The following SLC66A1 variants were observed in gnomAD, a reference collection of about 807,000 sequenced individuals.
SLC66A1 encodes lysosomal amino acid transporter 1 homolog.
In SLC66A1, 23 loss-of-function variants were observed where a neutral mutation model predicts 33.0. That is an observed-to-expected ratio of 0.70 (90% CI 0.50 to 0.99). The LOEUF is 0.99. Ranked by LOEUF, SLC66A1 falls within the 50% of genes least tolerant of loss-of-function variation. The pLI is 0.00. For missense variants in SLC66A1, 335 were observed against 383.6 expected (o/e 0.87, Z 1.06); for synonymous variants, 164 against 175.5 (o/e 0.93, Z 0.52).
Position 19,323,482 on chromosome 1 carries a change from C to T in SLC66A1, c.165-1151C>T, listed in dbSNP as rs1490101467. Among the ~76,000 whole-genome samples the T allele has an allele frequency of 2.0e-5, 3 of 151,870 alleles. No homozygotes were observed. The South Asian group carries it at 6.2e-4, about 32-fold the overall frequency. ...AGTGCAGTGGTGTGATCTCGGCTTA[C>T]TGCAACCTCCACCTCCTGGCTTCAA... On this transcript the variant is annotated intron_variant, in intron 2 of 7. Transcript: ENST00000375153.
At chr1:19,324,224 CT>C (rs2093851592) in intron 2 of SLC66A1, among the ~76,000 whole-genome samples, 1 of 152,270 alleles carries the variant, frequency 6.6e-6, no homozygotes, top group Non-Finnish European at 1.5e-5. Flanking sequence ...TTTCCCAGCA[CT>C]GTTCTTGTTG....
At chr1:19,322,908 G>T (rs572619021) in intron 2 of SLC66A1, among the ~76,000 whole-genome samples, 20 of 151,570 alleles carry the variant, frequency 1.3e-4, no homozygotes, top group Middle Eastern at 3.4e-3. Flanking sequence ...TTGAGACAAG[G>T]TCTCACTGTG....
intron 6 of SLC66A1, 96 bp from the exon 7 acceptor site, chr1:19,327,131 T>C (rs1558153666): frequency 8.1e-7 from 1 of 1,231,294 alleles, no homozygotes; most frequent in East Asian, 2.3e-5. Context: ...TCAGAGCAGG[T>C]GCACTGTGGT....
intron 1 of SLC66A1, among the ~76,000 whole-genome samples, chr1:19,314,118 A>T (rs1569722342): frequency 6.6e-6 from 1 of 152,290 alleles, no homozygotes; most frequent in East Asian, 1.9e-4. Flanking sequence ...TTTGAACAGG[A>T]TGTGGGCCCA....
chr1:19,326,487 C>T, intron 5 of SLC66A1, 44 bp from the exon 6 acceptor site: 1 of 1,613,846 alleles, frequency 6.2e-7, no homozygotes, highest in East Asian at 2.2e-5. Context: ...GGGGGATCAC[C>T]TCTGGCTCCT....
chr1:19,318,680 G>C (rs1214450978), intron 2 of SLC66A1, among the ~76,000 whole-genome samples: 2 of 152,008 alleles, frequency 1.3e-5, no homozygotes, highest in Non-Finnish European at 2.9e-5. Context: ...AGGCACAATG[G>C]CTCACGCCTG....
downstream of SLC66A1, among the ~76,000 whole-genome samples, chr1:19,331,065 G>A (rs1017307102): frequency 6.6e-6 from 1 of 152,166 alleles, no homozygotes; most frequent in Non-Finnish European, 1.5e-5. Context: ...AAGCTGGAGT[G>A]CAATGGTGCG....
downstream of SLC66A1, among the ~76,000 whole-genome samples, chr1:19,331,740 C>T (rs2093893021): frequency 6.6e-6 from 1 of 152,216 alleles, no homozygotes; most frequent in Non-Finnish European, 1.5e-5. Context: ...GGTGCCCTTC[C>T]AGCCTGAAGA....
At chr1:19,320,685 G>T (rs1476825349) in intron 2 of SLC66A1, among the ~76,000 whole-genome samples, 1 of 151,172 alleles carries the variant, frequency 6.6e-6, no homozygotes, top group East Asian at 1.9e-4. Context: ...AAAGTGCTGG[G>T]ATTACAGGCG....
chr1:19,316,663 G>A (rs1285168883), intron 1 of SLC66A1, among the ~76,000 whole-genome samples: 1 of 150,274 alleles, frequency 6.7e-6, no homozygotes, highest in Non-Finnish European at 1.5e-5. Flanking sequence ...ACAGTGCCCA[G>A]CCCTTATTTT....
rs35415316 is a variant in SLC66A1, at chr1:19,321,567, AT to A, written c.165-3052del. ...TGATGTGAAGTAGGAGTCCAACCTC[AT>A]TTTTTTTTTTTTTCTTGAGACACAG... On this transcript the variant is annotated intron_variant, in intron 2 of 7. Coordinates refer to ENST00000375153, the MANE Select transcript of SLC66A1 (RefSeq NM_001040125.2). Among the ~76,000 whole-genome samples the A allele has an allele frequency of 1.1e-3, 143 of 132,392 alleles. 4 individuals carry two copies. The highest frequency in any genetic ancestry group is 7.6e-3 in the East Asian group (35 of 4,584). The allele number at this position is 132,392 out of a possible 152,430, so 86.9% of individuals were successfully genotyped here. A position where few individuals can be genotyped will look rare whatever the true frequency, so the allele number is the denominator to read the frequency against.
Position 19,328,823 on chromosome 1 carries a change from C to A in SLC66A1, c.*180C>A. The A allele has an allele frequency of 1.5e-6, 1 of 684,524 alleles. No homozygotes were observed. Among genetic ancestry groups the A allele is most frequent in the Non-Finnish European group, 2.4e-6 (1 of 410,088 alleles). The allele number at this position is 684,524 out of a possible 1,614,324, so 42.4% of individuals were successfully genotyped here. A position where few individuals can be genotyped will look rare whatever the true frequency, so the allele number is the denominator to read the frequency against. ...CAGGTAGACCCCGAAGCCTCAAGGC[C>A]GGGGCTGGAGCGGAGACCCCAGGGC... On this transcript the variant is annotated 3_prime_UTR_variant, in exon 8 of 8. Transcript: ENST00000375153. The surrounding 1 kb of genome is among the most constrained non-coding windows in gnomAD (Gnocchi z 4.7).
At chr1:19,320,617 G>T (rs7521086) in intron 2 of SLC66A1, among the ~76,000 whole-genome samples, 13 of 151,438 alleles carry the variant, frequency 8.6e-5, no homozygotes, top group South Asian at 4.2e-4. Flanking sequence ...GGGTTTCACC[G>T]TGTTAGCCAG....
At chr1:19,331,119 C>G (rs926675397), downstream of SLC66A1, among the ~76,000 whole-genome samples, 4 of 152,206 alleles carry the variant, frequency 2.6e-5, no homozygotes, top group Non-Finnish European at 4.4e-5. Flanking sequence ...TCGAGCGATT[C>G]TCCTGCCTCA....
intron 3 of SLC66A1, 103 bp downstream of exon 3, chr1:19,324,865 AC>A: frequency 7.0e-7 from 1 of 1,435,352 alleles, no homozygotes; most frequent in Non-Finnish European, 9.4e-7. Flanking sequence ...GGTCTCCAGA[AC>A]CCTGACCCGT....
chr1:19,330,134 A>G (rs1338595126), downstream of SLC66A1, among the ~76,000 whole-genome samples: 4 of 151,988 alleles, frequency 2.6e-5, no homozygotes, highest in Non-Finnish European at 4.4e-5. Context: ...GCCTGGCTCC[A>G]GACCCTGTTC....
At position 19,312,326 on chromosome 1, in the gene SLC66A1, A is replaced by G; in HGVS notation, c.-642A>G. ...CAGCTGACCCGGCGGGCCTTGACCC[A>G]GAAGCTGGGCCCTGGCGGCGGATCT... is the stretch of plus-strand genomic sequence containing the variant. On this transcript the variant is annotated 5_prime_UTR_variant, in exon 1 of 8. Coordinates refer to ENST00000375153, the MANE Select transcript of SLC66A1 (RefSeq NM_001040125.2). The G allele has an allele frequency of 3.4e-6, 1 of 295,242 alleles. No homozygotes were observed. The highest frequency in any genetic ancestry group is 5.9e-6 in the Non-Finnish European group (1 of 168,154). 18.3% of individuals were successfully genotyped at this position (295,242 alleles called of 1,614,324 possible).
At chr1:19,322,118 G>A (rs1206944531) in intron 2 of SLC66A1, among the ~76,000 whole-genome samples, 1 of 152,092 alleles carries the variant, frequency 6.6e-6, no homozygotes, top group Non-Finnish European at 1.5e-5. Flanking sequence ...GAGGCAGGGA[G>A]GCCACCTTGG....
At chr1:19,319,242 CG>C (rs1036505506) in intron 2 of SLC66A1, among the ~76,000 whole-genome samples, 1 of 152,200 alleles carries the variant, frequency 6.6e-6, no homozygotes, top group Non-Finnish European at 1.5e-5. Context: ...AGGACATTTT[CG>C]TTAGCCCAAA....
Sources: allele counts gnomAD v4.1 joint callset (sites outside exome capture counted in the v4.1 genomes callset), GRCh38; gene constraint gnomAD v4.1.1; non-coding constraint Gnocchi (gnomAD v3.1); transcripts MANE v1.5; gene names NCBI Gene and HGNC (gene_info 2026-07-23, HGNC 2026-07-21).